Variants in CPLX1 observed in about 807,000 individuals in gnomAD.
CPLX1 encodes complexin 1, also known as complexin-1.
CPLX1 carries 6 observed loss-of-function variants against 15.6 expected under a neutral mutation model. That is an observed-to-expected ratio of 0.39 (90% CI 0.21 to 0.76). CPLX1 has a LOEUF of 0.76. Ranked by LOEUF, CPLX1 falls within the 30% of genes least tolerant of loss-of-function variation. CPLX1 has a pLI of 0.43. For synonymous variants in CPLX1, 91 were observed against 75.2 expected (o/e 1.21, Z -1.08); for missense variants, 242 against 188.6 (o/e 1.28, Z -1.66).
At chr4:808,971 A>T (rs1746607535) in intron 2 of CPLX1, among the ~76,000 whole-genome samples, 2 of 152,244 alleles carry the variant, frequency 1.3e-5, no homozygotes, top group Non-Finnish European at 2.9e-5. Flanking sequence ...AATGCCAAAA[A>T]TTGGTGGAGA....
intron 1 of CPLX1, among the ~76,000 whole-genome samples, chr4:825,845 G>C (rs1004188246): frequency 2.4e-5 from 3 of 123,576 alleles, no homozygotes; most frequent in African/African-American, 9.1e-5. Flanking sequence ...CCGGAGCCGG[G>C]GAGGAGAGAC....
intron 2 of CPLX1, among the ~76,000 whole-genome samples, chr4:821,572 C>T (rs1268824371): frequency 2.6e-5 from 4 of 152,238 alleles, no homozygotes; most frequent in Admixed American, 6.5e-5. Flanking sequence ...GTGCCACGTT[C>T]CTCCACGCTG....
Position 786,339 on chromosome 4 carries a change from C to T in CPLX1, c.*162G>A, listed in dbSNP as rs1745986446. ...ACTGGGGGGGTCCTGGGGGCGCGCG[C>T]CCCTTGCCGGGTGAGGGAGGCGGCG... On this transcript the variant is annotated 3_prime_UTR_variant, in exon 4 of 4. Transcript: ENST00000304062. 1.5e-6 allele frequency: 1 copy of T among 670,070 alleles called. No individual in the cohort carries two copies. Among genetic ancestry groups the T allele is most frequent in the Non-Finnish European group, 2.3e-6 (1 of 442,202 alleles). 41.5% of individuals were successfully genotyped at this position (670,070 alleles called of 1,614,324 possible).
chr4:814,926 T>A (rs1156876021), intron 2 of CPLX1, among the ~76,000 whole-genome samples: 1 of 152,178 alleles, frequency 6.6e-6, no homozygotes, highest in East Asian at 1.9e-4. Context: ...CATTTCCCAT[T>A]AGGGCAAGAC....
chr4:810,054 T>A (rs1302616934), intron 2 of CPLX1, among the ~76,000 whole-genome samples: 1 of 148,024 alleles, frequency 6.8e-6, no homozygotes, highest in Non-Finnish European at 1.5e-5. Flanking sequence ...TTTCTTTTTT[T>A]TTTTTTTTTT....
chr4:796,410 T>C (rs1746340884), intron 2 of CPLX1, among the ~76,000 whole-genome samples: 1 of 152,134 alleles, frequency 6.6e-6, no homozygotes, highest in African/African-American at 2.4e-5. Flanking sequence ...CTCCGCCTCC[T>C]GAGTACCTGG....
Position 802,637 on chromosome 4 carries a change from A to G in CPLX1, c.32-10029T>C, listed in dbSNP as rs79700784. 1.9e-3 allele frequency among the ~76,000 whole-genome samples: 297 copies of G among 152,338 alleles called. 1 individual carries two copies. The highest frequency in any genetic ancestry group is 3.6e-3 in the Non-Finnish European group (246 of 68,028). ...GTAACCCTTCAACTGAAGAGGAAAT[A>G]AAAACTGAAAGTGTAAAAATTCCAG... On this transcript the variant is annotated intron_variant, in intron 2 of 3. Transcript: ENST00000304062.
At chr4:807,241 G>T (rs945105994) in intron 2 of CPLX1, among the ~76,000 whole-genome samples, 19 of 152,142 alleles carry the variant, frequency 1.2e-4, no homozygotes, top group African/African-American at 4.3e-4. Context: ...ACCAAACACC[G>T]CATGTTCTCA....
chr4:807,219 CA>C (rs1746571107), intron 2 of CPLX1, among the ~76,000 whole-genome samples: 1 of 152,190 alleles, frequency 6.6e-6, no homozygotes, highest in South Asian at 2.1e-4. Flanking sequence ...CAAACTAACA[CA>C]GGAACAGAAA....
At chr4:800,357 G>T (rs532695087) in intron 2 of CPLX1, among the ~76,000 whole-genome samples, 1 of 152,084 alleles carries the variant, frequency 6.6e-6, no homozygotes, top group Non-Finnish European at 1.5e-5. Context: ...ATCTTAGGCC[G>T]GGCGCAGTGG....
At chr4:824,416 C>T (rs1577000546) in intron 2 of CPLX1, 76 bp downstream of exon 2, 4 of 1,342,892 alleles carry the variant, frequency 3.0e-6, no homozygotes, top group African/African-American at 2.9e-5. Context: ...CTGCGGTGGG[C>T]CAGATGAGGA....
In CPLX1 at chr4:792,788, G is replaced by T. The variant is rs555571357; in HGVS notation, c.32-180C>A. 32 of 633,902 alleles carry T rather than the reference G, an allele frequency of 5.0e-5. No homozygotes were observed. The East Asian group carries it at 9.1e-4, about 18-fold the overall frequency. The allele number at this position is 633,902 out of a possible 1,614,324, so 39.3% of individuals were successfully genotyped here. ...ACCTCCATCTGGCCCTGACCCTCCTGCCCGGGACCCTCCATCCAGTGTGCT... is the reference window on the plus strand; with the variant it reads ...ACCTCCATCTGGCCCTGACCCTCCTTCCCGGGACCCTCCATCCAGTGTGCT... On this transcript the variant is annotated intron_variant, in intron 2 of 3. Coordinates refer to ENST00000304062, the MANE Select transcript of CPLX1 (RefSeq NM_006651.4).
chr4:787,776 C>T, intron 3 of CPLX1: 2 of 985,340 alleles, frequency 2.0e-6, no homozygotes, highest in Middle Eastern at 5.2e-4. Context: ...ACGCCACACT[C>T]CTCCAGCCCT....
intron 3 of CPLX1, among the ~76,000 whole-genome samples, chr4:790,162 G>C (rs1746127857): frequency 6.6e-6 from 1 of 152,242 alleles, no homozygotes; most frequent in African/African-American, 2.4e-5. Context: ...TGTGGACGTG[G>C]GGTCCGGGGG....
At chr4:788,235 C>T (rs1273494296) in intron 3 of CPLX1, 15 of 985,286 alleles carry the variant, frequency 1.5e-5, no homozygotes, top group Non-Finnish European at 1.8e-5. Flanking sequence ...AAGGAGGCCC[C>T]TCCTTCCTCC....
chr4:798,291 A>AAAAT (rs1746384279), intron 2 of CPLX1, among the ~76,000 whole-genome samples: 1 of 151,926 alleles, frequency 6.6e-6, no homozygotes, highest in African/African-American at 2.4e-5. Flanking sequence ...AAAAAAAAAA[A>AAAAT]AGAACAGACA....
chr4:808,658 CAGAA>C (rs1178049315), intron 2 of CPLX1, among the ~76,000 whole-genome samples: 7 of 152,192 alleles, frequency 4.6e-5, no homozygotes, highest in Admixed American at 2.0e-4. Flanking sequence ...AGTGAGAAGA[CAGAA>C]AGAAGCCTGG....
chr4:812,756 T>C (rs1223746179), intron 2 of CPLX1, among the ~76,000 whole-genome samples: 1 of 152,006 alleles, frequency 6.6e-6, no homozygotes, highest in Non-Finnish European at 1.5e-5. Context: ...CTGCGTGTCC[T>C]AACGCTGGGT....
At position 804,808 on chromosome 4, in the gene CPLX1, C is replaced by G. The variant is rs189659226; in HGVS notation, c.32-12200G>C. 7 of 985,368 alleles carry G rather than the reference C, an allele frequency of 7.1e-6. No homozygotes were observed. In the East Asian group the frequency reaches 6.8e-4, roughly 96 times the overall value. 61.0% of individuals were successfully genotyped at this position (985,368 alleles called of 1,614,324 possible). A position where few individuals can be genotyped will look rare whatever the true frequency, so the allele number is the denominator to read the frequency against. On this transcript the variant is annotated intron_variant, in intron 2 of 3. Coordinates refer to ENST00000304062, the MANE Select transcript of CPLX1 (RefSeq NM_006651.4). ...GAGTCCCAGAGACGGCTCTGGCGGT[C>G]GTCAGCCTGGAGGCCGGCAAGCGTG...
Sources: allele counts gnomAD v4.1 joint callset (sites outside exome capture counted in the v4.1 genomes callset), GRCh38; gene constraint gnomAD v4.1.1; transcripts MANE v1.5; gene names NCBI Gene and HGNC (gene_info 2026-07-23, HGNC 2026-07-21).